The following BNC2 variants were observed in gnomAD, a reference collection of about 807,000 sequenced individuals.
The protein encoded by BNC2 is zinc finger protein basonuclin-2.
Under a neutral mutation model 76.3 loss-of-function variants are expected in BNC2, and 20 were observed. The observed-to-expected ratio is 0.26, with a 90% CI of 0.18 to 0.38. BNC2 has a LOEUF of 0.38. Ranked by LOEUF, BNC2 falls within the 10% of genes least tolerant of loss-of-function variation. The pLI, the probability that BNC2 is intolerant of heterozygous loss-of-function variation, is 1.00. For synonymous variants in BNC2, 582 were observed against 514.8 expected, an observed-to-expected ratio of 1.13 and a Z score of -1.77; for missense variants, 1,382 against 1,399.8, an observed-to-expected ratio of 0.99 and a Z score of 0.20.
At chr9:16,731,550 A>G (rs923528988) in intron 2 of BNC2, among the ~76,000 whole-genome samples, 1 of 152,214 alleles carries the variant, frequency 6.6e-6, no homozygotes, top group African/African-American at 2.4e-5. Flanking sequence ...AAAAAAGGCA[A>G]TGGCTCTGAA....
chr9:16,660,966 G>A (rs1182808246), intron 3 of BNC2, among the ~76,000 whole-genome samples: 1 of 152,136 alleles, frequency 6.6e-6, no homozygotes, highest in East Asian at 1.9e-4. Context: ...TTTGAGGGAG[G>A]TCCTGGAACC....
chr9:16,692,412 G>C (rs1377327289), intron 3 of BNC2, among the ~76,000 whole-genome samples: 1 of 152,160 alleles, frequency 6.6e-6, no homozygotes, highest in Non-Finnish European at 1.5e-5. Context: ...AAGTTGCTCA[G>C]TTACGTATCT....
At chr9:16,580,694 T>C (rs1363217458) in intron 4 of BNC2, among the ~76,000 whole-genome samples, 4 of 152,178 alleles carry the variant, frequency 2.6e-5, no homozygotes, top group Non-Finnish European at 5.9e-5. Flanking sequence ...CCATAGTAGA[T>C]AGATAATGAT....
At chr9:16,794,279 T>C (rs1323007446) in intron 1 of BNC2, among the ~76,000 whole-genome samples, 1 of 152,200 alleles carries the variant, frequency 6.6e-6, no homozygotes, top group African/African-American at 2.4e-5. Flanking sequence ...TTACAAAGTA[T>C]TGGTCAGAAC....
chr9:16,637,192 T>C (rs986266424), intron 3 of BNC2, among the ~76,000 whole-genome samples: 8 of 152,112 alleles, frequency 5.3e-5, no homozygotes, highest in Non-Finnish European at 1.0e-4. Context: ...AATTACTCAA[T>C]AACAATCCCC....
chr9:16,689,376 T>C (rs1823084020), intron 3 of BNC2, among the ~76,000 whole-genome samples: 1 of 152,222 alleles, frequency 6.6e-6, no homozygotes, highest in Admixed American at 6.5e-5. Context: ...AAAGGGCTCG[T>C]AGTCAGGGAT....
At chr9:16,660,813 T>C (rs1427335791) in intron 3 of BNC2, among the ~76,000 whole-genome samples, 2 of 152,096 alleles carry the variant, frequency 1.3e-5, no homozygotes, top group Non-Finnish European at 2.9e-5. Context: ...GTATACCAAT[T>C]ATTTACATAG....
intron 5 of BNC2, among the ~76,000 whole-genome samples, chr9:16,535,003 A>G (rs904154234): frequency 9.8e-5 from 15 of 152,310 alleles, no homozygotes; most frequent in African/African-American, 3.4e-4. Flanking sequence ...TTTTTTCTGT[A>G]GATCTGTAGA....
intron 3 of BNC2, among the ~76,000 whole-genome samples, chr9:16,708,564 CAA>C (rs1823744133): frequency 6.6e-6 from 1 of 151,042 alleles, no homozygotes; most frequent in Non-Finnish European, 1.5e-5. Flanking sequence ...TGTGTATGGA[CAA>C]AAGAGAGAAG....
intron 1 of BNC2, among the ~76,000 whole-genome samples, chr9:16,781,352 TA>T (rs1444778498): frequency 6.6e-6 from 1 of 152,068 alleles, no homozygotes; most frequent in South Asian, 2.1e-4. Flanking sequence ...TTATTATGTA[TA>T]TTTTTTTAAG....
intron 1 of BNC2, among the ~76,000 whole-genome samples, chr9:16,852,309 T>C (rs940730424): frequency 2.0e-4 from 30 of 152,332 alleles, no homozygotes; most frequent in African/African-American, 6.3e-4. Context: ...GATTTCTGCA[T>C]ACCCCTTGAA....
At chr9:16,789,263 G>A (rs927027272) in intron 1 of BNC2, among the ~76,000 whole-genome samples, 3 of 152,030 alleles carry the variant, frequency 2.0e-5, no homozygotes, top group Admixed American at 2.0e-4. Flanking sequence ...GGATTTTAGG[G>A]AGTAATATAA....
At chr9:16,852,569 C>T (rs1271659118) in intron 1 of BNC2, among the ~76,000 whole-genome samples, 2 of 151,986 alleles carry the variant, frequency 1.3e-5, no homozygotes, top group Admixed American at 1.3e-4. Context: ...AGACAAAGGA[C>T]CCTGTTCTTA....
At chr9:16,595,898 A>G (rs1563855472) in intron 3 of BNC2, among the ~76,000 whole-genome samples, 2 of 152,264 alleles carry the variant, frequency 1.3e-5, no homozygotes, top group East Asian at 3.9e-4. Context: ...TTGTGGAGAA[A>G]AAAAAAGTCT....
At chr9:16,552,082 T>G (rs981402379) in intron 5 of BNC2, among the ~76,000 whole-genome samples, 14 of 152,170 alleles carry the variant, frequency 9.2e-5, no homozygotes, top group Admixed American at 4.6e-4. Flanking sequence ...TAGTAAAATG[T>G]GTACCTTTAG....
At chr9:16,777,016 C>T (rs1273100847) in intron 1 of BNC2, among the ~76,000 whole-genome samples, 5 of 151,976 alleles carry the variant, frequency 3.3e-5, no homozygotes, top group South Asian at 4.2e-4. Context: ...ATCCCAGCTA[C>T]TCAGTAGGTT....
At chr9:16,421,474 A>G (rs987145772) in intron 6 of BNC2, among the ~76,000 whole-genome samples, 1 of 152,196 alleles carries the variant, frequency 6.6e-6, no homozygotes, top group East Asian at 1.9e-4. Flanking sequence ...CGATCATCCC[A>G]TACGCTGTCT....
chr9:16,522,627 G>C (rs959923916), intron 5 of BNC2, among the ~76,000 whole-genome samples: 1 of 152,126 alleles, frequency 6.6e-6, no homozygotes, highest in African/African-American at 2.4e-5. Flanking sequence ...AGGTCATTTC[G>C]TGTTTTTTAA....
chr9:16,779,464 T>C (rs1233597760), intron 1 of BNC2, among the ~76,000 whole-genome samples: 5 of 152,188 alleles, frequency 3.3e-5, no homozygotes, highest in Admixed American at 2.6e-4. Context: ...AACATACTTA[T>C]ATATACCTTA....
Sources: gnomAD v4.1 joint callset for allele counts (sites outside exome capture counted in the v4.1 genomes callset) on GRCh38, gnomAD v4.1.1 for gene constraint, MANE v1.5 for transcripts, NCBI Gene and HGNC (gene_info 2026-07-23, HGNC 2026-07-21) for gene names.